Variants in RYR2 observed in about 807,000 individuals in gnomAD.
The protein encoded by RYR2 is cardiac muscle ryanodine receptor-calcium release channel.
Under a neutral mutation model 601.1 loss-of-function variants are expected in RYR2, and 227 were observed. That is an observed-to-expected ratio of 0.38 (90% CI 0.34 to 0.42). RYR2 has a LOEUF of 0.42. RYR2 is among the 10% of genes least tolerant of loss of function. The pLI is 1.00. For missense variants in RYR2, 4,646 were observed against 6,156.5 expected (o/e 0.75, Z 8.21); for synonymous variants, 2,223 against 2,175.1 (o/e 1.02, Z -0.61).
intron 4 of RYR2, 136 bp downstream of exon 4, chr1:237,356,121 A>T (rs1473014083): frequency 1.4e-6 from 1 of 740,416 alleles, no homozygotes; most frequent in Non-Finnish European, 2.3e-6. Flanking sequence ...TGTAATGAAC[A>T]CATGTTTTAC....
intron 3 of RYR2, among the ~76,000 whole-genome samples, chr1:237,348,446 T>C (rs545029110): frequency 6.6e-6 from 1 of 152,242 alleles, no homozygotes; most frequent in East Asian, 1.9e-4. Flanking sequence ...CAGTGGTTGC[T>C]AAGGAGGAGG....
chr1:237,526,353 CT>C (rs775614018), intron 24 of RYR2, among the ~76,000 whole-genome samples: 6 of 144,318 alleles, frequency 4.2e-5, no homozygotes, highest in South Asian at 4.4e-4. Flanking sequence ...CTTTTCTTTT[CT>C]TTTTTTTTTC....
chr1:237,433,170 T>C (rs984858019), intron 12 of RYR2, among the ~76,000 whole-genome samples: 1 of 152,024 alleles, frequency 6.6e-6, no homozygotes, highest in Non-Finnish European at 1.5e-5. Context: ...AAAATCCAGC[T>C]ACAAGGTACA....
intron 1 of RYR2, among the ~76,000 whole-genome samples, chr1:237,191,025 C>T (rs1274091229): frequency 2.0e-5 from 3 of 152,088 alleles, no homozygotes; most frequent in Non-Finnish European, 4.4e-5. Flanking sequence ...CTGTTTTCTT[C>T]TAGGAGTTTT....
chr1:237,681,326 C>T (rs982354036), intron 62 of RYR2, among the ~76,000 whole-genome samples: 5 of 152,096 alleles, frequency 3.3e-5, no homozygotes, highest in Admixed American at 6.5e-5. Context: ...GACTTGACGT[C>T]GATGCTGTGC....
chr1:237,454,376 T>C lies in RYR2; in HGVS notation c.1293-15T>C, dbSNP rs767484802. ...GAATCACTGACAATAGAGAAATGTT[T>C]ATGGTTTATTTTAGGGGCCTTGATG... On this transcript the variant is annotated splice_polypyrimidine_tract_variant and intron_variant, in intron 14 of 104. Coordinates refer to ENST00000366574, the MANE Select transcript of RYR2 (RefSeq NM_001035.3). 1.9e-6 allele frequency: 3 copies of C among 1,579,880 alleles called. No homozygotes were observed. The highest frequency in any genetic ancestry group is 4.5e-5 in the East Asian group (2 of 44,568).
At chr1:237,699,282 A>T (rs1053279711) in intron 64 of RYR2, among the ~76,000 whole-genome samples, 1 of 152,202 alleles carries the variant, frequency 6.6e-6, no homozygotes, top group Non-Finnish European at 1.5e-5. Flanking sequence ...CTGGTAATGT[A>T]TCACGCAGGA....
At chr1:237,042,623 A>T in intron 1 of RYR2, 54 bp downstream of exon 1, 1 of 1,246,246 alleles carries the variant, frequency 8.0e-7, no homozygotes, top group Non-Finnish European at 1.0e-6. Context: ...CAGGGCATCC[A>T]CTAGCGGGGT....
chr1:237,755,306 T>C (rs1209897941), intron 80 of RYR2, among the ~76,000 whole-genome samples: 1 of 152,204 alleles, frequency 6.6e-6, no homozygotes, highest in Admixed American at 6.5e-5. Flanking sequence ...ATGGAAAGTT[T>C]ATGGCAGCAA....
intron 27 of RYR2, among the ~76,000 whole-genome samples, chr1:237,556,785 G>T (rs775881111): frequency 6.7e-6 from 1 of 149,550 alleles, no homozygotes; most frequent in Non-Finnish European, 1.5e-5. Context: ...TAACACAGGG[G>T]GTTTAAATCA....
At chr1:237,500,929 TCTTTC>T in intron 21 of RYR2, 26 bp downstream of exon 21, 1 of 1,599,834 alleles carries the variant, frequency 6.3e-7, no homozygotes, top group Non-Finnish European at 8.6e-7. Context: ...TTTTTTGGTC[TCTTTC>T]CTTTCTCATT....
At chr1:237,296,559 G>A (rs1000997696) in intron 2 of RYR2, among the ~76,000 whole-genome samples, 4 of 152,212 alleles carry the variant, frequency 2.6e-5, no homozygotes, top group African/African-American at 7.2e-5. Flanking sequence ...GACTTATTAA[G>A]AGTCCTGTTT....
At chr1:237,577,650 G>A (rs12135600) in intron 29 of RYR2, among the ~76,000 whole-genome samples, 45,300 of 151,522 alleles carry the variant, frequency 0.3, 7,231 homozygotes, top group East Asian at 0.61. Context: ...TTCACTGCAG[G>A]GCCTCCAGAA....
intron 1 of RYR2, among the ~76,000 whole-genome samples, chr1:237,187,173 CTT>C (rs71178402): frequency 0.33 from 49,031 of 146,426 alleles, 8,131 homozygotes; most frequent in East Asian, 0.52. Context: ...GTCACATAGA[CTT>C]TTTTTTTTTT....
At chr1:237,471,102 G>T (rs2150312430) in intron 17 of RYR2, 1 of 154,574 alleles carries the variant, frequency 6.5e-6, no homozygotes, top group African/African-American at 2.4e-5. Context: ...CTAATCTTAT[G>T]CAAACAGGCT....
rs1573030944 is a variant in RYR2, at chr1:237,597,392, A to G, written c.4596+1735A>G. ...TGCCTTCTGGGTTCAAGCAATTCTC[A>G]TGCCTCAGCCTCCTGAGTAGCTGGG... is the stretch of plus-strand genomic sequence containing the variant. On this transcript the variant is annotated intron_variant, in intron 34 of 104. Transcript: ENST00000366574. Among the ~76,000 whole-genome samples, 3 of 150,916 alleles carry G rather than the reference A, an allele frequency of 2.0e-5. No homozygotes were observed. The East Asian group carries it at 5.9e-4, about 30-fold the overall frequency.
chr1:237,376,793 T>C (rs1701071276), intron 7 of RYR2, among the ~76,000 whole-genome samples: 1 of 152,198 alleles, frequency 6.6e-6, no homozygotes, highest in African/African-American at 2.4e-5. Context: ...AACACCACAT[T>C]TTAAAATAAT....
At chr1:237,327,371 A>G (rs1434063330) in intron 2 of RYR2, among the ~76,000 whole-genome samples, 1 of 152,240 alleles carries the variant, frequency 6.6e-6, no homozygotes. Flanking sequence ...GTGGAAAAAT[A>G]AAATTCATTT....
chr1:237,243,895 A>G (rs1040449391), intron 1 of RYR2, among the ~76,000 whole-genome samples: 2 of 152,252 alleles, frequency 1.3e-5, no homozygotes, highest in African/African-American at 4.8e-5. Context: ...GAAGGTCACC[A>G]GCCGCTCCAG....
Sources: gnomAD v4.1 joint callset for allele counts (sites outside exome capture counted in the v4.1 genomes callset) on GRCh38, gnomAD v4.1.1 for gene constraint, MANE v1.5 for transcripts, NCBI Gene and HGNC (gene_info 2026-07-23, HGNC 2026-07-21) for gene names.